ARHGAP24: variants seen among roughly 807,000 people sequenced by gnomAD.
ARHGAP24 encodes the protein rho GTPase-activating protein 24.
ARHGAP24 carries 50 observed loss-of-function variants against 76.4 expected under a neutral mutation model. The ratio of observed to expected loss-of-function variants is 0.65; its 90% CI spans 0.52 to 0.83. The LOEUF is 0.83. Among genes scored for constraint, ARHGAP24 ranks in the 40% least tolerant of loss-of-function variants. ARHGAP24 has a pLI of 0.00. For missense variants in ARHGAP24, 930 were observed against 914.2 expected, an observed-to-expected ratio of 1.02 and a Z score of -0.22; for synonymous variants, 345 against 323.3, an observed-to-expected ratio of 1.07 and a Z score of -0.72.
intron 3 of ARHGAP24, among the ~76,000 whole-genome samples, chr4:85,877,953 A>G (rs1481728175): frequency 1.3e-5 from 2 of 152,162 alleles, no homozygotes; most frequent in Non-Finnish European, 2.9e-5. Flanking sequence ...GTTGATATTA[A>G]AATGGTTTAA....
chr4:85,624,291 A>G (rs1319928710), intron 2 of ARHGAP24, among the ~76,000 whole-genome samples: 2 of 152,130 alleles, frequency 1.3e-5, no homozygotes, highest in African/African-American at 4.8e-5. Flanking sequence ...AGTTTTTAGC[A>G]TGAAGCGTTG....
At chr4:85,851,883 T>A (rs147718995) in intron 3 of ARHGAP24, among the ~76,000 whole-genome samples, 2,043 of 152,266 alleles carry the variant, frequency 0.013, 50 homozygotes, top group African/African-American at 0.046. Context: ...ACCTTAACAT[T>A]TTTTCCTTCA....
chr4:85,662,406 T>A (rs1269986160), intron 2 of ARHGAP24, among the ~76,000 whole-genome samples: 2 of 151,052 alleles, frequency 1.3e-5, no homozygotes, highest in Admixed American at 1.3e-4. Context: ...CATTGTAGAT[T>A]TTGGATATTA....
rs543672912 is a variant in ARHGAP24 at position 85,680,734 on chromosome 4, G to T, written c.181-41151G>T. On this transcript the variant is annotated intron_variant, in intron 2 of 9. Transcript: ENST00000395184. ...TTCTGAAACCAAACCCATGTGCCTG[G>T]ATGTCTTTGCATTATTCCCCATTTT... 8.4e-4 allele frequency among the ~76,000 whole-genome samples: 127 copies of T among 150,374 alleles called. 1 individual carries two copies. Among genetic ancestry groups the T allele is most frequent in the African/African-American group, 3.1e-3 (126 of 41,150 alleles).
intron 3 of ARHGAP24, among the ~76,000 whole-genome samples, chr4:85,815,927 G>A (rs557646727): frequency 6.6e-6 from 1 of 152,274 alleles, no homozygotes; most frequent in East Asian, 1.9e-4. Context: ...ATGGTGGAAG[G>A]TGAAAGGCAT....
intron 8 of ARHGAP24, among the ~76,000 whole-genome samples, chr4:85,993,365 T>C (rs1740449925): frequency 6.6e-6 from 1 of 152,226 alleles, no homozygotes; most frequent in Non-Finnish European, 1.5e-5. Context: ...TTATGAACTT[T>C]AAAATTTGAA....
intron 3 of ARHGAP24, among the ~76,000 whole-genome samples, chr4:85,751,772 G>A (rs1291800958): frequency 6.6e-6 from 1 of 152,178 alleles, no homozygotes; most frequent in African/African-American, 2.4e-5. Flanking sequence ...CACCATTATA[G>A]GAATTAGGTA....
chr4:85,840,112 A>G (rs10002566), intron 3 of ARHGAP24, among the ~76,000 whole-genome samples: 59,473 of 142,816 alleles, frequency 0.42, 11,915 homozygotes, highest in South Asian at 0.51. Flanking sequence ...TGATCCACCC[A>G]CCTCACCCTC....
chr4:85,719,899 A>AAGAC, intron 2 of ARHGAP24, among the ~76,000 whole-genome samples: 2 of 152,150 alleles, frequency 1.3e-5, no homozygotes, highest in African/African-American at 4.8e-5. Context: ...AATGGTATAA[A>AAGAC]ATTGCCAGGG....
intron 2 of ARHGAP24, among the ~76,000 whole-genome samples, chr4:85,658,609 G>A (rs7672353): frequency 0.26 from 40,288 of 152,050 alleles, 7,468 homozygotes; most frequent in East Asian, 0.84. Flanking sequence ...TTTTATGTGG[G>A]GCTGAATTAG....
intron 2 of ARHGAP24, among the ~76,000 whole-genome samples, chr4:85,659,702 A>G (rs767889572): frequency 5.3e-5 from 8 of 152,200 alleles, no homozygotes; most frequent in Non-Finnish European, 1.2e-4. Flanking sequence ...TTCCTAATAT[A>G]TTATAGTTCT....
intron 2 of ARHGAP24, among the ~76,000 whole-genome samples, chr4:85,627,182 T>G (rs1720987869): frequency 1.3e-5 from 2 of 152,154 alleles, no homozygotes; most frequent in African/African-American, 4.8e-5. Context: ...TTCTGCTCTG[T>G]TTTTTCCCCA....
chr4:85,749,101 T>C (rs1362775285), intron 3 of ARHGAP24, among the ~76,000 whole-genome samples: 1 of 152,198 alleles, frequency 6.6e-6, no homozygotes, highest in Non-Finnish European at 1.5e-5. Flanking sequence ...GAGCATGAAG[T>C]GCTCTATTGT....
chr4:85,584,602 G>GA (rs907141520), intron 2 of ARHGAP24, among the ~76,000 whole-genome samples: 2 of 151,420 alleles, frequency 1.3e-5, no homozygotes, highest in Non-Finnish European at 2.9e-5. Context: ...AATAATAAAA[G>GA]AAAAAAATCT....
At chr4:85,487,128 C>T (rs1723086776) in intron 1 of ARHGAP24, among the ~76,000 whole-genome samples, 2 of 142,562 alleles carry the variant, frequency 1.4e-5, no homozygotes, top group African/African-American at 2.6e-5. Flanking sequence ...TTGTCAAGTC[C>T]TTGGTTTGCT....
intron 2 of ARHGAP24, among the ~76,000 whole-genome samples, chr4:85,628,841 C>G (rs909385202): frequency 6.6e-6 from 1 of 152,036 alleles, no homozygotes; most frequent in Non-Finnish European, 1.5e-5. Flanking sequence ...CATGAAATAT[C>G]TTTTCCTTCT....
At chr4:85,699,603 AT>A (rs568487698) in intron 2 of ARHGAP24, among the ~76,000 whole-genome samples, 4,426 of 146,454 alleles carry the variant, frequency 0.03, 96 homozygotes, top group African/African-American at 0.065. Context: ...CCCTGTCTCA[AT>A]TTTTTTTTTT....
intron 3 of ARHGAP24, among the ~76,000 whole-genome samples, chr4:85,864,549 T>C (rs915588337): frequency 6.6e-6 from 1 of 152,074 alleles, no homozygotes; most frequent in African/African-American, 2.4e-5. Flanking sequence ...TATCTATCTA[T>C]ACAAAGACCT....
intron 2 of ARHGAP24, among the ~76,000 whole-genome samples, chr4:85,618,482 C>A (rs1450939507): frequency 6.6e-6 from 1 of 152,090 alleles, no homozygotes; most frequent in East Asian, 1.9e-4. Flanking sequence ...CATTTCATTT[C>A]CATTGGATAT....
Sources: gnomAD v4.1 joint callset for allele counts (sites outside exome capture counted in the v4.1 genomes callset) on GRCh38, gnomAD v4.1.1 for gene constraint, MANE v1.5 for transcripts, NCBI Gene and HGNC (gene_info 2026-07-23, HGNC 2026-07-21) for gene names.